MLLT3: variants seen among roughly 807,000 people sequenced by gnomAD.
MLLT3 encodes the protein protein AF-9.
A neutral mutation model predicts 53.2 loss-of-function variants in MLLT3; 4 were observed. The ratio of observed to expected loss-of-function variants is 0.08; its 90% CI spans 0.04 to 0.17. MLLT3 has a LOEUF of 0.17. Ranked by LOEUF, MLLT3 falls within the 10% of genes least tolerant of loss-of-function variation. The pLI is 1.00. For missense variants in MLLT3, 569 were observed against 684.0 expected, an observed-to-expected ratio of 0.83 and a Z score of 1.87; for synonymous variants, 283 against 230.6, an observed-to-expected ratio of 1.23 and a Z score of -2.06.
intron 2 of MLLT3, among the ~76,000 whole-genome samples, chr9:20,614,601 T>A (rs1475080530): frequency 6.6e-6 from 1 of 151,936 alleles, no homozygotes; most frequent in Non-Finnish European, 1.5e-5. Context: ...AACTCGTCCA[T>A]GGTTTGACTT....
chr9:20,524,267 G>A (rs576025099), intron 2 of MLLT3, among the ~76,000 whole-genome samples: 20 of 151,944 alleles, frequency 1.3e-4, no homozygotes, highest in African/African-American at 4.6e-4. Flanking sequence ...TGGCTTTGCT[G>A]TAAACCTAAA....
At chr9:20,354,909 T>C in intron 8 of MLLT3, 30 bp from the exon 9 acceptor site, 1 of 1,557,436 alleles carries the variant, frequency 6.4e-7, no homozygotes. Context: ...CTGTGTTAAA[T>C]TTTATTTCAA....
chr9:20,598,376 C>A (rs1205872546), intron 2 of MLLT3, among the ~76,000 whole-genome samples: 1 of 152,150 alleles, frequency 6.6e-6, no homozygotes, highest in African/African-American at 2.4e-5. Context: ...CCCCTTCGCC[C>A]CACATATGAG....
At chr9:20,508,981 G>A (rs1324070871) in intron 2 of MLLT3, among the ~76,000 whole-genome samples, 1 of 152,196 alleles carries the variant, frequency 6.6e-6, no homozygotes, top group Non-Finnish European at 1.5e-5. Context: ...AAGGGGTGGT[G>A]AAGACATGAC....
In MLLT3 at chr9:20,459,195, A is replaced by C. The variant is rs1336854034; in HGVS notation, c.194-2409T>G. ...TCCACAAGCAGAAATATGGTTACAA[A>C]AAGGTAAACTGAAGCCCACCTTAGG... On this transcript the variant is annotated intron_variant, in intron 2 of 10. Coordinates refer to ENST00000380338, the MANE Select transcript of MLLT3 (RefSeq NM_004529.4). Among the ~76,000 whole-genome samples the C allele has an allele frequency of 2.0e-5, 3 of 152,222 alleles. No individual in the cohort carries two copies. In the South Asian group the frequency reaches 6.2e-4, roughly 32 times the overall value.
At chr9:20,601,609 C>T (rs568909222) in intron 2 of MLLT3, among the ~76,000 whole-genome samples, 1 of 152,232 alleles carries the variant, frequency 6.6e-6, no homozygotes, top group Admixed American at 6.5e-5. Flanking sequence ...AGGGAAAAAA[C>T]TGCAAACAGA....
chr9:20,614,455 C>T (rs1029560570), intron 2 of MLLT3, among the ~76,000 whole-genome samples: 3 of 150,798 alleles, frequency 2.0e-5, no homozygotes, highest in South Asian at 2.1e-4. Flanking sequence ...TAGGCAGGCA[C>T]GCACATAGTA....
chr9:20,424,275 T>C (rs922010819), intron 4 of MLLT3, among the ~76,000 whole-genome samples: 1 of 152,164 alleles, frequency 6.6e-6, no homozygotes, highest in African/African-American at 2.4e-5. Flanking sequence ...TAAATAAATA[T>C]TTTTAAGTTG....
intron 5 of MLLT3, among the ~76,000 whole-genome samples, chr9:20,386,693 T>C (rs1392828652): frequency 6.6e-6 from 1 of 152,182 alleles, no homozygotes; most frequent in Non-Finnish European, 1.5e-5. Flanking sequence ...CTACATCAAA[T>C]ATTCTAGACC....
chr9:20,596,829 C>T (rs1820281796), intron 2 of MLLT3, among the ~76,000 whole-genome samples: 1 of 152,108 alleles, frequency 6.6e-6, no homozygotes, highest in African/African-American at 2.4e-5. Flanking sequence ...TACAAAGAAG[C>T]CAGTTGGAGT....
intron 2 of MLLT3, among the ~76,000 whole-genome samples, chr9:20,566,561 G>C (rs1452004335): frequency 6.6e-6 from 1 of 152,004 alleles, no homozygotes; most frequent in Admixed American, 6.6e-5. Flanking sequence ...TACAGATCTA[G>C]CATATCTAAC....
At chr9:20,400,314 G>A (rs1822423769) in intron 5 of MLLT3, among the ~76,000 whole-genome samples, 1 of 152,060 alleles carries the variant, frequency 6.6e-6, no homozygotes, top group South Asian at 2.1e-4. Flanking sequence ...AGAACCTATA[G>A]ATTAAAGAAA....
At chr9:20,456,611 T>C in intron 3 of MLLT3, 93 bp downstream of exon 3, 1 of 878,830 alleles carries the variant, frequency 1.1e-6, no homozygotes, top group Non-Finnish European at 1.8e-6. Context: ...AATCATCTAG[T>C]GACAGAAGTG....
intron 4 of MLLT3, among the ~76,000 whole-genome samples, chr9:20,416,133 G>T (rs1222137777): frequency 6.6e-6 from 1 of 151,810 alleles, no homozygotes; most frequent in Middle Eastern, 3.4e-3. Context: ...GTCATGTTAA[G>T]CAATACTATG....
intron 5 of MLLT3, among the ~76,000 whole-genome samples, chr9:20,412,595 C>T (rs1216432385): frequency 1.6e-4 from 25 of 152,144 alleles, no homozygotes; most frequent in Non-Finnish European, 1.0e-4. Context: ...CCTTTGCCAG[C>T]ATTTAAACTA....
intron 4 of MLLT3, among the ~76,000 whole-genome samples, chr9:20,417,181 T>A (rs935070897): frequency 2.7e-5 from 4 of 146,576 alleles, no homozygotes; most frequent in South Asian, 4.3e-4. Flanking sequence ...TATCTGATAT[T>A]TATATATATA....
intron 4 of MLLT3, among the ~76,000 whole-genome samples, chr9:20,438,645 G>C (rs182669213): frequency 6.6e-6 from 1 of 151,998 alleles, no homozygotes; most frequent in African/African-American, 2.4e-5. Context: ...CTGTGGCCCA[G>C]GTTGGTCTCA....
chr9:20,380,632 A>G (rs1239334178), intron 5 of MLLT3, among the ~76,000 whole-genome samples: 2 of 152,026 alleles, frequency 1.3e-5, no homozygotes, highest in African/African-American at 2.4e-5. Flanking sequence ...ATTTCTTCCT[A>G]TGTAGTAAAG....
chr9:20,537,867 A>G (rs1365132300), intron 2 of MLLT3, among the ~76,000 whole-genome samples: 1 of 152,218 alleles, frequency 6.6e-6, no homozygotes, highest in African/African-American at 2.4e-5. Context: ...ATGCTGTCCA[A>G]ATACATTAAT....
Sources: gnomAD v4.1 joint callset for allele counts (sites outside exome capture counted in the v4.1 genomes callset) on GRCh38, gnomAD v4.1.1 for gene constraint, MANE v1.5 for transcripts, NCBI Gene and HGNC (gene_info 2026-07-23, HGNC 2026-07-21) for gene names.